Variants in BIN3 observed in about 807,000 individuals in gnomAD.
BIN3 encodes the protein bridging integrator 3.
In BIN3, 41 loss-of-function variants were observed where a neutral mutation model predicts 38.2. That is an observed-to-expected ratio of 1.07 (90% CI 0.84 to 1.39). The LOEUF is 1.39. BIN3 is among the 40% of genes most tolerant of loss of function. The probability of loss-of-function intolerance (pLI) is 0.00; values close to 1 mark genes in which losing one functional copy is unlikely to be tolerated. For synonymous variants in BIN3, 145 were observed against 122.6 expected (o/e 1.18, Z -1.21); for missense variants, 361 against 324.3 (o/e 1.11, Z -0.87).
chr8:22,636,754 C>G, intron 3 of BIN3, 168 bp from the exon 4 acceptor site: 1 of 983,960 alleles, frequency 1.0e-6, no homozygotes, highest in Non-Finnish European at 1.5e-6. Flanking sequence ...GAGTGAATGA[C>G]TCTCACATGG....
intron 6 of BIN3, among the ~76,000 whole-genome samples, chr8:22,629,476 G>A (rs1177479306): frequency 2.0e-5 from 3 of 152,224 alleles, no homozygotes; most frequent in Admixed American, 6.5e-5. Flanking sequence ...CAAGCTAGAG[G>A]ACCTTCCCGG....
intron 1 of BIN3, among the ~76,000 whole-genome samples, chr8:22,661,440 C>G (rs1803235806): frequency 7.4e-6 from 1 of 134,888 alleles, no homozygotes; most frequent in African/African-American, 2.8e-5. Context: ...TCACTGCAAC[C>G]TCCGCCTCCT....
intron 3 of BIN3, 61 bp downstream of exon 3, chr8:22,636,861 C>T: frequency 6.4e-7 from 1 of 1,556,922 alleles, no homozygotes; most frequent in Non-Finnish European, 8.9e-7. Context: ...CAGGTGAGAC[C>T]TGGCAGGGGG....
At chr8:22,625,723 G>C in intron 6 of BIN3, 1 of 278,820 alleles carries the variant, frequency 3.6e-6, no homozygotes, top group South Asian at 5.7e-5. Flanking sequence ...GAAGAGCTAG[G>C]ATTACAGACG....
intron 1 of BIN3, among the ~76,000 whole-genome samples, chr8:22,650,594 T>C (rs1802860035): frequency 1.3e-5 from 2 of 152,228 alleles, no homozygotes; most frequent in African/African-American, 4.8e-5. Flanking sequence ...CACAGTCTAA[T>C]AAGGCAACAA....
At chr8:22,623,790 G>A (rs1256616343) in intron 8 of BIN3, 125 bp downstream of exon 8, 10 of 1,255,174 alleles carry the variant, frequency 8.0e-6, no homozygotes, top group Non-Finnish European at 1.1e-5. Flanking sequence ...TTCCTTCAGG[G>A]CTTTGCCTGG....
intron 1 of BIN3, among the ~76,000 whole-genome samples, chr8:22,653,728 T>C (rs1488704536): frequency 6.6e-6 from 1 of 152,216 alleles, no homozygotes; most frequent in African/African-American, 2.4e-5. Flanking sequence ...CGCTGCAATG[T>C]AAACACTTTA....
chr8:22,622,884 C>T (rs73671215), intron 8 of BIN3, among the ~76,000 whole-genome samples: 2,362 of 152,354 alleles, frequency 0.016, 53 homozygotes, highest in African/African-American at 0.053. Context: ...AAAGATGGCA[C>T]AGGACCAAGT....
rs763283093 is a variant in BIN3, at chr8:22,630,021, CAA to C, written c.298-19_298-18del. The C allele has an allele frequency of 6.2e-6, 10 of 1,605,710 alleles. No homozygotes were observed. Among genetic ancestry groups the C allele is most frequent in the Non-Finnish European group, 8.5e-6 (10 of 1,175,448 alleles). ...CTGGTTCACCTGTCAAAGAAAAACC[CAA>C]AGACATTAAAACTGGTGGGGAGGGG... On this transcript the variant is annotated intron_variant, in intron 5 of 8. Transcript: ENST00000276416.
intron 3 of BIN3, 148 bp downstream of exon 3, chr8:22,636,773 AG>A: frequency 9.6e-7 from 1 of 1,044,196 alleles, no homozygotes; most frequent in Non-Finnish European, 1.4e-6. Flanking sequence ...GGCCATTGCC[AG>A]GGAACAGTTC....
intron 1 of BIN3, among the ~76,000 whole-genome samples, chr8:22,660,631 G>A (rs577334379): frequency 2.0e-5 from 3 of 152,190 alleles, no homozygotes; most frequent in African/African-American, 7.2e-5. Flanking sequence ...GGGGGCGCGG[G>A]CAAACGTTCT....
At chr8:22,642,335 G>A (rs1391893559) in intron 2 of BIN3, among the ~76,000 whole-genome samples, 4 of 149,052 alleles carry the variant, frequency 2.7e-5, no homozygotes, top group Admixed American at 6.8e-5. Context: ...TTTGGGGGCC[G>A]GGAGGGGGTG....
At chr8:22,666,410 T>G (rs1006033708) in intron 1 of BIN3, among the ~76,000 whole-genome samples, 136 of 114,686 alleles carry the variant, frequency 1.2e-3, no homozygotes, top group African/African-American at 1.6e-3. Flanking sequence ...GGAGGTGGGG[T>G]GGACAATGGG....
intron 1 of BIN3, among the ~76,000 whole-genome samples, chr8:22,657,970 G>A (rs947182284): frequency 3.9e-5 from 6 of 152,190 alleles, no homozygotes; most frequent in African/African-American, 1.4e-4. Flanking sequence ...ACTGGGCTTC[G>A]GGACTCTCCT....
intron 4 of BIN3, 29 bp downstream of exon 4, chr8:22,636,492 TCAAG>T: frequency 6.5e-7 from 1 of 1,550,334 alleles, no homozygotes; most frequent in African/African-American, 1.4e-5. Context: ...CCCCACCTGC[TCAAG>T]CGAGTGGTGC....
intron 1 of BIN3, among the ~76,000 whole-genome samples, chr8:22,658,349 C>T (rs1213848950): frequency 6.6e-6 from 1 of 152,190 alleles, no homozygotes; most frequent in Non-Finnish European, 1.5e-5. Flanking sequence ...AAAAAGTCAA[C>T]AGGATGTTCT....
At chr8:22,666,435 CGAGA>C (rs756736252) in intron 1 of BIN3, among the ~76,000 whole-genome samples, 25 of 151,146 alleles carry the variant, frequency 1.7e-4, no homozygotes, top group African/African-American at 4.9e-4. Context: ...AAAAAGAGAG[CGAGA>C]GAGAGAGAAG....
intron 1 of BIN3, among the ~76,000 whole-genome samples, chr8:22,649,850 C>CACACCCAA (rs1554571393): frequency 2.8e-4 from 34 of 120,550 alleles, no homozygotes; most frequent in Non-Finnish European, 4.7e-4. Context: ...CACACACACA[C>CACACCCAA]ACACACACCC....
At chr8:22,633,625 G>A (rs1430737421) in intron 4 of BIN3, among the ~76,000 whole-genome samples, 1 of 152,236 alleles carries the variant, frequency 6.6e-6, no homozygotes, top group Non-Finnish European at 1.5e-5. Flanking sequence ...GGGAGCGCAG[G>A]AGATTCCACG....
Sources: allele counts gnomAD v4.1 joint callset (sites outside exome capture counted in the v4.1 genomes callset), GRCh38; gene constraint gnomAD v4.1.1; transcripts MANE v1.5; gene names NCBI Gene and HGNC (gene_info 2026-07-23, HGNC 2026-07-21).